Variants in CTNNA2 observed in about 807,000 individuals in gnomAD.
CTNNA2 encodes catenin alpha-2.
CTNNA2 carries 42 observed loss-of-function variants against 101.0 expected under a neutral mutation model. The observed-to-expected ratio is 0.42, with a 90% CI of 0.32 to 0.54. CTNNA2 has a LOEUF of 0.54. Ranked by LOEUF, CTNNA2 falls within the 20% of genes least tolerant of loss-of-function variation. The pLI is 0.14. For synonymous variants in CTNNA2, 450 were observed against 456.4 expected (o/e 0.99, Z 0.18); for missense variants, 871 against 1,223.1 (o/e 0.71, Z 4.29).
At chr2:79,737,465 C>T (rs1033873968) in intron 2 of CTNNA2, among the ~76,000 whole-genome samples, 1 of 152,064 alleles carries the variant, frequency 6.6e-6, no homozygotes, top group African/African-American at 2.4e-5. Flanking sequence ...TAATTGTATG[C>T]AACGAATGCA....
At chr2:80,222,330 T>C (rs915301358) in intron 7 of CTNNA2, among the ~76,000 whole-genome samples, 1 of 138,126 alleles carries the variant, frequency 7.2e-6, no homozygotes, top group Admixed American at 6.9e-5. Flanking sequence ...AATTATATCT[T>C]TATCTTATCA....
Position 80,303,096 on chromosome 2 carries a change from T to G in CTNNA2, c.1057-90115T>G. The G allele has an allele frequency of 6.2e-7, 1 of 1,613,944 alleles. No individual in the cohort carries two copies. Among genetic ancestry groups the G allele is most frequent in the South Asian group, 1.1e-5 (1 of 91,064 alleles). ...CTGACCACAATGGCCACCTTGTTCC[T>G]CCGCAGGCAGAGCGAGTGCAGGGAG... On this transcript the variant is annotated intron_variant, in intron 7 of 18. Coordinates refer to ENST00000402739, the MANE Select transcript of CTNNA2 (RefSeq NM_001282597.3). This position sits in a 1 kb window ranked among gnomAD's most constrained non-coding sequence, Gnocchi z 7.7.
intron 2 of CTNNA2, among the ~76,000 whole-genome samples, chr2:79,272,330 A>G (rs1675103197): frequency 6.6e-6 from 1 of 152,032 alleles, no homozygotes; most frequent in Admixed American, 6.6e-5. Context: ...TGTGCCCATA[A>G]CAGATTAAAA....
intron 15 of CTNNA2, among the ~76,000 whole-genome samples, chr2:80,593,113 G>C (rs1040145638): frequency 6.6e-6 from 1 of 152,070 alleles, no homozygotes; most frequent in Non-Finnish European, 1.5e-5. Context: ...CTCCAGATGG[G>C]ACAATATGAT....
chr2:79,214,210 G>A (rs556142081), intron 2 of CTNNA2, among the ~76,000 whole-genome samples: 26 of 152,200 alleles, frequency 1.7e-4, no homozygotes, highest in Non-Finnish European at 3.4e-4. Flanking sequence ...TGTCTGTGAA[G>A]CTTTGCAGCA....
At chr2:80,070,966 G>C (rs895207810) in intron 7 of CTNNA2, among the ~76,000 whole-genome samples, 3 of 151,978 alleles carry the variant, frequency 2.0e-5, no homozygotes, top group African/African-American at 7.2e-5. Flanking sequence ...TTATATTTAG[G>C]GCCCTACCAA....
chr2:80,169,365 C>T (rs1255611478), intron 7 of CTNNA2, among the ~76,000 whole-genome samples: 2 of 152,148 alleles, frequency 1.3e-5, no homozygotes, highest in African/African-American at 4.8e-5. Flanking sequence ...ACAGATTAAC[C>T]ACTTAGGTTG....
At chr2:79,615,576 C>T (rs2104239990) in intron 1 of CTNNA2, among the ~76,000 whole-genome samples, 1 of 152,232 alleles carries the variant, frequency 6.6e-6, no homozygotes, top group Non-Finnish European at 1.5e-5. Context: ...TAGGAGGGAA[C>T]TGTTTTGACG....
At chr2:80,210,681 C>T (rs112276701) in intron 7 of CTNNA2, among the ~76,000 whole-genome samples, 4,541 of 152,198 alleles carry the variant, frequency 0.03, 239 homozygotes, top group African/African-American at 0.1. Context: ...CACATGTGTG[C>T]CTGTGTCTTT....
chr2:79,343,124 C>T (rs1049354683), intron 3 of CTNNA2, among the ~76,000 whole-genome samples: 11 of 151,998 alleles, frequency 7.2e-5, no homozygotes, highest in African/African-American at 2.4e-4. Context: ...TTTTAAAATA[C>T]CATTTTTGCA....
chr2:79,553,273 A>G lies in CTNNA2; in HGVS notation c.-6+40066A>G, dbSNP rs118023388. On this transcript the variant is annotated intron_variant, in intron 1 of 18. Coordinates refer to ENST00000402739, the MANE Select transcript of CTNNA2 (RefSeq NM_001282597.3). ...CATCTCTGTCCATATCACTATCAGT[A>G]TTTTTGTCAAAACCATTCAACAAGT... Among the ~76,000 whole-genome samples the G allele has an allele frequency of 1.4e-3, 216 of 152,218 alleles. 4 individuals are homozygous for G. In the East Asian group the frequency reaches 0.037, roughly 26 times the overall value.
chr2:80,462,190 A>C (rs967709029), intron 9 of CTNNA2, among the ~76,000 whole-genome samples: 5 of 152,238 alleles, frequency 3.3e-5, no homozygotes, highest in Non-Finnish European at 7.3e-5. Flanking sequence ...GGGACTCTGC[A>C]CAGGTTAATT....
chr2:79,750,871 C>CAA (rs561864179), intron 3 of CTNNA2, among the ~76,000 whole-genome samples: 69 of 113,492 alleles, frequency 6.1e-4, no homozygotes, highest in African/African-American at 1.9e-3. Context: ...GACTCTGTCT[C>CAA]AAAAAAAAAA....
chr2:80,322,270 T>A (rs1180646575), intron 7 of CTNNA2, among the ~76,000 whole-genome samples: 1 of 152,162 alleles, frequency 6.6e-6, no homozygotes, highest in Non-Finnish European at 1.5e-5. Context: ...GCCCAGTGAT[T>A]AAAACTAGGT....
chr2:80,056,535 T>C (rs1480501175), intron 7 of CTNNA2, among the ~76,000 whole-genome samples: 1 of 152,180 alleles, frequency 6.6e-6, no homozygotes, highest in Non-Finnish European at 1.5e-5. Flanking sequence ...AAAGGAAAGA[T>C]AGGGATCAAG....
At chr2:79,976,422 A>G (rs1690846025) in intron 7 of CTNNA2, among the ~76,000 whole-genome samples, 1 of 152,096 alleles carries the variant, frequency 6.6e-6, no homozygotes, top group Non-Finnish European at 1.5e-5. Flanking sequence ...CTTTTTATTG[A>G]GATGTAAACG....
At chr2:80,185,283 A>G (rs1020993229) in intron 7 of CTNNA2, among the ~76,000 whole-genome samples, 1 of 152,194 alleles carries the variant, frequency 6.6e-6, no homozygotes, top group Non-Finnish European at 1.5e-5. Context: ...GCAACATGGT[A>G]TATAGCTTCA....
intron 3 of CTNNA2, among the ~76,000 whole-genome samples, chr2:79,824,814 A>G (rs896090916): frequency 6.6e-6 from 1 of 152,120 alleles, no homozygotes; most frequent in South Asian, 2.1e-4. Flanking sequence ...TTTTTTTGGT[A>G]TGGTTTTAAT....
chr2:80,354,442 C>T (rs975729224), intron 7 of CTNNA2, among the ~76,000 whole-genome samples: 9 of 152,102 alleles, frequency 5.9e-5, no homozygotes, highest in African/African-American at 2.2e-4. Flanking sequence ...GTCATATGGC[C>T]TCCATTTTCC....
Sources: gnomAD v4.1 joint callset for allele counts (sites outside exome capture counted in the v4.1 genomes callset) on GRCh38, gnomAD v4.1.1 for gene constraint, Gnocchi (gnomAD v3.1) non-coding constraint, MANE v1.5 for transcripts, NCBI Gene and HGNC (gene_info 2026-07-23, HGNC 2026-07-21) for gene names.